UIMC1: variants seen among roughly 807,000 people sequenced by gnomAD.
The protein encoded by UIMC1 is ubiquitin interaction motif containing 1, also known as BRCA1-A complex subunit RAP80.
Under a neutral mutation model 84.9 loss-of-function variants are expected in UIMC1, and 42 were observed. The ratio of observed to expected loss-of-function variants is 0.49; its 90% CI spans 0.39 to 0.64. The LOEUF (loss-of-function observed/expected upper bound fraction) is 0.64. Among genes scored for constraint, UIMC1 ranks in the 30% least tolerant of loss-of-function variants. The probability of loss-of-function intolerance (pLI) is 0.00; values close to 1 mark genes in which losing one functional copy is unlikely to be tolerated. For missense variants in UIMC1, 825 were observed against 847.6 expected (o/e 0.97, Z 0.33); for synonymous variants, 281 against 293.0 (o/e 0.96, Z 0.42).
chr5:176,972,480 A>C (rs1452244438), intron 3 of UIMC1, among the ~76,000 whole-genome samples: 2 of 152,128 alleles, frequency 1.3e-5, no homozygotes, highest in African/African-American at 4.8e-5. Context: ...TCATGCCTGT[A>C]ATCCCAGCAC....
In UIMC1 at chr5:176,914,264, G is replaced by A. The variant is rs141171883; in HGVS notation, c.1598-2875C>T. Among the ~76,000 whole-genome samples the A allele has an allele frequency of 9.1e-3, 1,382 of 152,074 alleles. 7 individuals carry two copies. Among genetic ancestry groups the A allele is most frequent in the South Asian group, 0.025 (120 of 4,826 alleles). On this transcript the variant is annotated intron_variant, in intron 10 of 14. Coordinates refer to ENST00000511320, the MANE Select transcript of UIMC1 (RefSeq NM_001199298.2). ...TCTGCAGTCTTAACTGTCATCTGATGTTATTAGCTCTCCTTCTCAGCTATG... is the reference window on the plus strand; with the variant it reads ...TCTGCAGTCTTAACTGTCATCTGATATTATTAGCTCTCCTTCTCAGCTATG...
At chr5:177,015,397 T>C (rs1775648516) in intron 1 of UIMC1, among the ~76,000 whole-genome samples, 1 of 152,096 alleles carries the variant, frequency 6.6e-6, no homozygotes, top group Non-Finnish European at 1.5e-5. Context: ...CCTCAGACAT[T>C]GTCAGGGTTC....
chr5:176,919,055 T>C (rs1039534397), intron 10 of UIMC1: 5 of 201,138 alleles, frequency 2.5e-5, no homozygotes, highest in Non-Finnish European at 5.3e-5. Flanking sequence ...AAAACTCTAA[T>C]ATCCATTCCG....
At chr5:176,982,979 A>G (rs897461636) in intron 1 of UIMC1, among the ~76,000 whole-genome samples, 2 of 152,064 alleles carry the variant, frequency 1.3e-5, no homozygotes, top group Non-Finnish European at 2.9e-5. Context: ...GATTACAGAC[A>G]TGAGCCACCA....
intron 10 of UIMC1, among the ~76,000 whole-genome samples, chr5:176,931,433 G>T (rs987459257): frequency 6.6e-5 from 10 of 152,176 alleles, no homozygotes; most frequent in African/African-American, 1.9e-4. Flanking sequence ...TCTGGCAGAA[G>T]AAAACTGCTA....
intron 1 of UIMC1, among the ~76,000 whole-genome samples, chr5:176,998,858 C>G (rs1774033782): frequency 6.6e-6 from 1 of 152,028 alleles, no homozygotes; most frequent in Non-Finnish European, 1.5e-5. Context: ...CTCCTTTATT[C>G]AAAATTCCTA....
intron 1 of UIMC1, among the ~76,000 whole-genome samples, chr5:177,021,072 G>A (rs1040376362): frequency 1.3e-5 from 2 of 152,166 alleles, no homozygotes; most frequent in African/African-American, 4.8e-5. Context: ...GAGATCAGGA[G>A]TTTGAGATCA....
At chr5:177,000,498 C>CTT (rs966855813) in intron 1 of UIMC1, among the ~76,000 whole-genome samples, 34 of 113,322 alleles carry the variant, frequency 3.0e-4, no homozygotes, top group South Asian at 5.9e-4. Flanking sequence ...ACTTGCATGT[C>CTT]TTTTTTTTTT....
chr5:177,022,602 C>G (rs1775925146), exon 1 of UIMC1: 3 of 922,350 alleles, frequency 3.3e-6, no homozygotes, highest in Admixed American at 3.6e-5. Flanking sequence ...GCAAAATAAG[C>G]GCGGGGTCCC....
At chr5:177,016,673 C>T (rs1338995950) in intron 1 of UIMC1, among the ~76,000 whole-genome samples, 1 of 151,306 alleles carries the variant, frequency 6.6e-6, no homozygotes, top group Non-Finnish European at 1.5e-5. Context: ...TACCACTGCA[C>T]TCATGCCACT....
intron 5 of UIMC1, 114 bp from the exon 6 acceptor site, chr5:176,969,405 GGT>G: frequency 6.9e-7 from 1 of 1,448,248 alleles, no homozygotes; most frequent in Non-Finnish European, 9.3e-7. Flanking sequence ...CTCTTCTTTG[GGT>G]TTAACCAAAT....
At chr5:177,000,498 CT>C (rs966855813) in intron 1 of UIMC1, among the ~76,000 whole-genome samples, 269 of 113,354 alleles carry the variant, frequency 2.4e-3, no homozygotes, top group African/African-American at 3.1e-3. Context: ...ACTTGCATGT[CT>C]TTTTTTTTTT....
chr5:176,935,824 C>T (rs1763649371), intron 10 of UIMC1, among the ~76,000 whole-genome samples: 1 of 152,130 alleles, frequency 6.6e-6, no homozygotes, highest in African/African-American at 2.4e-5. Context: ...TCTCTGTTAA[C>T]TCTCAGGCAT....
rs35445945 is a variant in UIMC1, at chr5:176,998,466, C to CAA, written c.-9+8182_-9+8183dup. Among the ~76,000 whole-genome samples the CAA allele has an allele frequency of 2.7e-3, 172 of 64,396 alleles. 11 individuals carry two copies. The highest frequency in any genetic ancestry group is 0.011 in the African/African-American group (163 of 15,128). 42.2% of individuals were successfully genotyped at this position (64,396 alleles called of 152,430 possible). On this transcript the variant is annotated intron_variant, in intron 1 of 14. Coordinates refer to ENST00000511320, the MANE Select transcript of UIMC1 (RefSeq NM_001199298.2). ...TGGACGACAGAGCAAGACTCTGTCT[C>CAA]AAAAAAAAAAAAAAAAAAAGTCTGG... is the stretch of plus-strand genomic sequence containing the variant.
intron 14 of UIMC1, chr5:176,905,763 G>T: frequency 1.6e-6 from 1 of 620,284 alleles, no homozygotes; most frequent in Non-Finnish European, 2.8e-6. Flanking sequence ...GGGTTGGATG[G>T]GGATAGAGAG....
At chr5:177,001,040 G>C (rs941693898) in intron 1 of UIMC1, among the ~76,000 whole-genome samples, 1 of 151,950 alleles carries the variant, frequency 6.6e-6, no homozygotes, top group Admixed American at 6.6e-5. Flanking sequence ...TTTTTGCTTT[G>C]GTTGCCTGTG....
intron 1 of UIMC1, among the ~76,000 whole-genome samples, chr5:176,999,837 T>C (rs1022411781): frequency 6.6e-6 from 1 of 152,254 alleles, no homozygotes; most frequent in African/African-American, 2.4e-5. Flanking sequence ...ATCTTGGCTA[T>C]TGTAAATAGT....
chr5:176,987,658 T>TAA (rs1772228191), intron 1 of UIMC1, among the ~76,000 whole-genome samples: 1 of 147,138 alleles, frequency 6.8e-6, no homozygotes, highest in East Asian at 2.0e-4. Context: ...CTCAAAAAAA[T>TAA]AAAATAAAAA....
chr5:176,914,039 C>CACCATACCATACCATACACCAT (rs1760637068), intron 10 of UIMC1, among the ~76,000 whole-genome samples: 3 of 139,978 alleles, frequency 2.1e-5, no homozygotes, highest in South Asian at 2.3e-4. Flanking sequence ...CCATACCATA[C>CACCATACCATACCATACACCAT]ACCATACCAT....
Sources: gnomAD v4.1 joint callset for allele counts (sites outside exome capture counted in the v4.1 genomes callset) on GRCh38, gnomAD v4.1.1 for gene constraint, MANE v1.5 for transcripts, NCBI Gene and HGNC (gene_info 2026-07-23, HGNC 2026-07-21) for gene names.